Variants in CLIP2 observed in about 807,000 individuals in gnomAD.
CLIP2 encodes the protein CAP-Gly domain-containing linker protein 2.
In CLIP2, 41 loss-of-function variants were observed where a neutral mutation model predicts 111.7. The observed-to-expected ratio is 0.37, with a 90% CI of 0.29 to 0.48. The LOEUF is 0.48. Among genes scored for constraint, CLIP2 ranks in the 20% least tolerant of loss-of-function variants. The probability of loss-of-function intolerance (pLI) is 0.99; values close to 1 mark genes in which losing one functional copy is unlikely to be tolerated. For missense variants in CLIP2, 1,160 were observed against 1,422.1 expected, an observed-to-expected ratio of 0.82 and a Z score of 2.96; for synonymous variants, 660 against 644.2, an observed-to-expected ratio of 1.02 and a Z score of -0.37.
intron 13 of CLIP2, among the ~76,000 whole-genome samples, chr7:74,394,406 A>G (rs536929573): frequency 2.7e-4 from 41 of 151,900 alleles, no homozygotes; most frequent in African/African-American, 9.7e-4. Context: ...ATGCGCCACC[A>G]TGCCGGGCTA....
intron 1 of CLIP2, among the ~76,000 whole-genome samples, chr7:74,299,068 A>G (rs1395902857): frequency 6.6e-6 from 1 of 152,046 alleles, no homozygotes; most frequent in Non-Finnish European, 1.5e-5. Context: ...ATGGTGGCTC[A>G]CACCTGTAAT....
intron 3 of CLIP2, among the ~76,000 whole-genome samples, chr7:74,351,696 C>T (rs1412504518): frequency 2.6e-5 from 4 of 152,048 alleles, no homozygotes; most frequent in East Asian, 3.9e-4. Context: ...ATTAGCCGGG[C>T]ATGGTGACAA....
Position 74,363,911 on chromosome 7 carries a change from A to AG in CLIP2, c.1320-341dup, listed in dbSNP as rs1229750541. 6.1e-5 allele frequency among the ~76,000 whole-genome samples: 9 copies of AG among 147,166 alleles called. 1 individual carries two copies. Among genetic ancestry groups the AG allele is most frequent in the East Asian group, 4.6e-4 (2 of 4,394 alleles). On this transcript the variant is annotated intron_variant, in intron 7 of 16. Coordinates refer to ENST00000223398, the MANE Select transcript of CLIP2 (RefSeq NM_003388.5). ...ACTCTGTCTCAAAAAAAAAAAAAAA[A>AG]GGGAGGGAGGAAGGAAGGAAGGAAG...
intron 2 of CLIP2, among the ~76,000 whole-genome samples, chr7:74,326,755 G>C (rs974612923): frequency 6.9e-6 from 1 of 145,312 alleles, no homozygotes; most frequent in Non-Finnish European, 1.5e-5. Context: ...TCCTGCCTCA[G>C]CCTCCCAAGT....
At chr7:74,360,348 G>A (rs1268108347) in intron 7 of CLIP2, 70 bp downstream of exon 7, 5 of 1,199,884 alleles carry the variant, frequency 4.2e-6, no homozygotes, top group Non-Finnish European at 6.0e-6. Flanking sequence ...GGCAGGCTTG[G>A]GAATAGCGGA....
At position 74,404,882 on chromosome 7, in the gene CLIP2, C is replaced by T. The variant is rs1791728196; in HGVS notation, c.*1034C>T. The T allele has an allele frequency of 1.3e-5, 2 of 152,242 alleles. No individual in the cohort carries two copies. The highest frequency in any genetic ancestry group is 2.1e-4 in the South Asian group (1 of 4,832). The allele number at this position is 152,242 out of a possible 1,614,324, so 9.4% of individuals were successfully genotyped here. ...ACCACGCTCAGGCCACACAGAGACA[C>T]ATACTTGGTTTCTGGGACTGAGACC... On this transcript the variant is annotated 3_prime_UTR_variant, in exon 17 of 17. Coordinates refer to ENST00000223398, the MANE Select transcript of CLIP2 (RefSeq NM_003388.5).
chr7:74,394,242 CTTATTTTTTT>C (rs1791378714), intron 13 of CLIP2, among the ~76,000 whole-genome samples: 1 of 119,736 alleles, frequency 8.4e-6, no homozygotes, highest in African/African-American at 3.1e-5. Flanking sequence ...TCTTTTTCTT[CTTATTTTTTT>C]TTTTTTTTTT....
At chr7:74,317,439 T>C (rs1323669658) in intron 1 of CLIP2, 41 bp from the exon 2 acceptor site, 5 of 1,275,062 alleles carry the variant, frequency 3.9e-6, no homozygotes, top group Admixed American at 6.5e-5. Context: ...CTGGGGGCCA[T>C]TGGGAAGTGA....
intron 8 of CLIP2, among the ~76,000 whole-genome samples, chr7:74,371,675 GGA>G (rs1368346986): frequency 1.5e-5 from 2 of 133,718 alleles, no homozygotes; most frequent in Non-Finnish European, 3.2e-5. Context: ...AAGAAAGGAG[GGA>G]GAGAGACGGG....
rs1268659010 is a variant in CLIP2 at position 74,405,350 on chromosome 7, C to G, written c.*1502C>G. ...CCCATCAGTGGACCAGAGGGAGAAG[C>G]CCGATGCCCCATCCCGGCTTTCCCG... On this transcript the variant is annotated 3_prime_UTR_variant, in exon 17 of 17. Transcript: ENST00000223398. 1 of 152,290 alleles carries G rather than the reference C, an allele frequency of 6.6e-6. No individual in the cohort carries two copies. Among genetic ancestry groups the G allele is most frequent in the Non-Finnish European group, 1.5e-5 (1 of 68,120 alleles). The allele number at this position is 152,290 out of a possible 1,614,324, so 9.4% of individuals were successfully genotyped here.
intron 13 of CLIP2, 63 bp from the exon 14 acceptor site, chr7:74,397,011 A>G (rs1162726844): frequency 1.3e-6 from 2 of 1,574,922 alleles, no homozygotes; most frequent in South Asian, 1.2e-5. Flanking sequence ...GCAAATTGCT[A>G]GAGTGTGGGA....
At chr7:74,344,257 T>C (rs1789741993) in intron 3 of CLIP2, among the ~76,000 whole-genome samples, 1 of 152,208 alleles carries the variant, frequency 6.6e-6, no homozygotes, top group African/African-American at 2.4e-5. Context: ...CTGGCCTGTC[T>C]GCAGGGTTGG....
chr7:74,324,441 G>A (rs114831432), intron 2 of CLIP2, among the ~76,000 whole-genome samples: 24 of 152,294 alleles, frequency 1.6e-4, no homozygotes, highest in Admixed American at 8.5e-4. Context: ...GGTGTGTGGC[G>A]TGCCACCTGC....
intron 11 of CLIP2, among the ~76,000 whole-genome samples, chr7:74,384,849 A>G (rs533659529): frequency 2.6e-5 from 4 of 152,078 alleles, no homozygotes; most frequent in Admixed American, 2.6e-4. Flanking sequence ...GTTCCACCAA[A>G]ATTTTAAATC....
At chr7:74,385,670 C>T (rs1385531898) in intron 11 of CLIP2, among the ~76,000 whole-genome samples, 6 of 151,652 alleles carry the variant, frequency 4.0e-5, no homozygotes, top group Non-Finnish European at 4.4e-5. Flanking sequence ...TTATTGTTCT[C>T]CCTGTTTTTC....
At chr7:74,307,384 C>T (rs570954098) in intron 1 of CLIP2, among the ~76,000 whole-genome samples, 2 of 152,370 alleles carry the variant, frequency 1.3e-5, no homozygotes, top group African/African-American at 4.8e-5. Flanking sequence ...CCGAACTTCT[C>T]TGCACTCGGG....
At chr7:74,303,283 G>A (rs997432686) in intron 1 of CLIP2, among the ~76,000 whole-genome samples, 8 of 152,344 alleles carry the variant, frequency 5.3e-5, no homozygotes, top group African/African-American at 1.9e-4. Flanking sequence ...ACAAAGCTGT[G>A]TGGGATGGAT....
chr7:74,372,401 T>TGGGGGG (rs797027650), intron 8 of CLIP2, among the ~76,000 whole-genome samples: 1 of 13,414 alleles, frequency 7.5e-5, no homozygotes, highest in African/African-American at 3.1e-4. Context: ...AGCACAGGCC[T>TGGGGGG]TGGGGGGGGG....
At chr7:74,323,389 A>G (rs1244889586) in intron 2 of CLIP2, among the ~76,000 whole-genome samples, 3 of 149,030 alleles carry the variant, frequency 2.0e-5, no homozygotes, top group African/African-American at 4.9e-5. Context: ...GTGAGCCACC[A>G]TGGCTGGCCT....
Sources: allele counts gnomAD v4.1 joint callset (sites outside exome capture counted in the v4.1 genomes callset), GRCh38; gene constraint gnomAD v4.1.1; transcripts MANE v1.5; gene names NCBI Gene and HGNC (gene_info 2026-07-23, HGNC 2026-07-21).